The following INPP4B variants were observed in gnomAD, a reference collection of about 807,000 sequenced individuals.
INPP4B encodes the protein inositol polyphosphate 4-phosphatase type II.
INPP4B carries 55 observed loss-of-function variants against 122.5 expected under a neutral mutation model. The observed-to-expected ratio is 0.45, with a 90% CI of 0.36 to 0.56. INPP4B has a LOEUF of 0.56. Among genes scored for constraint, INPP4B ranks in the 20% least tolerant of loss-of-function variants. The pLI, the probability that INPP4B is intolerant of heterozygous loss-of-function variation, is 0.00. For missense variants in INPP4B, 1,000 were observed against 1,097.7 expected (o/e 0.91, Z 1.26); for synonymous variants, 403 against 388.7 (o/e 1.04, Z -0.43).
chr4:142,795,902 A>G (rs963825137), intron 1 of INPP4B, among the ~76,000 whole-genome samples: 1 of 151,962 alleles, frequency 6.6e-6, no homozygotes, highest in Non-Finnish European at 1.5e-5. Context: ...TAAAACTTCC[A>G]TAGTTGCTGT....
chr4:142,311,997 A>G (rs1304540977), intron 8 of INPP4B, among the ~76,000 whole-genome samples: 1 of 152,174 alleles, frequency 6.6e-6, no homozygotes, highest in Non-Finnish European at 1.5e-5. Context: ...ACATGAGAAA[A>G]ACAAACCCAT....
intron 1 of INPP4B, among the ~76,000 whole-genome samples, chr4:142,816,136 T>G (rs764765281): frequency 4.6e-5 from 7 of 152,112 alleles, no homozygotes; most frequent in Non-Finnish European, 1.0e-4. Context: ...CAGGCCCTCT[T>G]GGGGAAATAC....
chr4:142,155,566 C>A (rs1240554613), intron 17 of INPP4B, among the ~76,000 whole-genome samples: 1 of 152,048 alleles, frequency 6.6e-6, no homozygotes, highest in Non-Finnish European at 1.5e-5. Context: ...GCCTAGTGTT[C>A]CATTATTGGA....
intron 2 of INPP4B, among the ~76,000 whole-genome samples, chr4:142,695,684 T>A (rs1264360150): frequency 5.3e-5 from 8 of 152,218 alleles, no homozygotes; most frequent in Middle Eastern, 3.2e-3. Flanking sequence ...AGATACGATT[T>A]AATAAACTGT....
At chr4:142,247,924 A>C (rs1729744915) in intron 11 of INPP4B, among the ~76,000 whole-genome samples, 1 of 152,114 alleles carries the variant, frequency 6.6e-6, no homozygotes, top group Non-Finnish European at 1.5e-5. Context: ...CTGAAGTGTA[A>C]ATTCAGATAA....
chr4:142,513,074 C>G (rs960401928), intron 2 of INPP4B, among the ~76,000 whole-genome samples: 3 of 152,040 alleles, frequency 2.0e-5, no homozygotes, highest in African/African-American at 2.4e-5. Flanking sequence ...TGGTATGTGG[C>G]TGAAATTCAT....
intron 9 of INPP4B, among the ~76,000 whole-genome samples, chr4:142,304,870 C>G (rs1045824113): frequency 1.3e-5 from 2 of 152,104 alleles, no homozygotes; most frequent in Non-Finnish European, 2.9e-5. Flanking sequence ...ATTTAACGCT[C>G]TTAGTAATTA....
At chr4:142,408,293 G>A (rs1033391157) in intron 5 of INPP4B, among the ~76,000 whole-genome samples, 2 of 151,270 alleles carry the variant, frequency 1.3e-5, no homozygotes, top group Admixed American at 6.6e-5. Context: ...GGTGGCTTAT[G>A]CCTGGAATCC....
intron 25 of INPP4B, among the ~76,000 whole-genome samples, chr4:142,068,135 A>G (rs558783108): frequency 1.2e-4 from 18 of 152,318 alleles, no homozygotes; most frequent in African/African-American, 4.1e-4. Flanking sequence ...CGGATCTCTC[A>G]GCAGAAACTC....
intron 12 of INPP4B, among the ~76,000 whole-genome samples, chr4:142,235,783 AT>A (rs1856459511): frequency 6.6e-6 from 1 of 151,980 alleles, no homozygotes; most frequent in Non-Finnish European, 1.5e-5. Flanking sequence ...CATTTATCTT[AT>A]TTTTTATTGC....
At chr4:142,139,454 G>C (rs769809262) in intron 18 of INPP4B, among the ~76,000 whole-genome samples, 2 of 152,012 alleles carry the variant, frequency 1.3e-5, no homozygotes, top group South Asian at 4.1e-4. Flanking sequence ...CTACAGGCGC[G>C]TGCTACCATG....
intron 9 of INPP4B, among the ~76,000 whole-genome samples, chr4:142,296,868 C>A (rs1453155732): frequency 6.6e-6 from 1 of 152,192 alleles, no homozygotes; most frequent in Non-Finnish European, 1.5e-5. Flanking sequence ...TTCAGGAAAT[C>A]GTGTCCCTAA....
chr4:142,108,239 A>C, intron 22 of INPP4B, 49 bp from the exon 23 acceptor site: 1 of 902,598 alleles, frequency 1.1e-6, no homozygotes, highest in Non-Finnish European at 1.8e-6. Flanking sequence ...ACGGTACCAA[A>C]AAGTAACACA....
At position 142,165,240 on chromosome 4, in the gene INPP4B, A is replaced by G. The variant is rs940223172; in HGVS notation, c.1360-4679T>C. ...CAAGATTTTCCATTTGAGTAGTATC[A>G]TTAGTACTCAGAGTCCAAACCTCTG... On this transcript the variant is annotated intron_variant, in intron 16 of 25. Coordinates refer to ENST00000262992, the MANE Select transcript of INPP4B (RefSeq NM_001101669.3). Among the ~76,000 whole-genome samples, 5 of 1,820 alleles carry G rather than the reference A, an allele frequency of 2.7e-3. No individual in the cohort carries two copies. The Admixed American group carries it at 0.041, about 15-fold the overall frequency. The allele number at this position is 1,820 out of a possible 152,430, so 1.2% of individuals were successfully genotyped here. A position where few individuals can be genotyped will look rare whatever the true frequency, so the allele number is the denominator to read the frequency against.
At chr4:142,150,201 A>T (rs77390545) in intron 17 of INPP4B, among the ~76,000 whole-genome samples, 1 of 152,306 alleles carries the variant, frequency 6.6e-6, no homozygotes, top group East Asian at 1.9e-4. Context: ...TTTCTTCTCT[A>T]CTAAAATCAC....
intron 7 of INPP4B, among the ~76,000 whole-genome samples, chr4:142,396,737 T>C (rs1799495997): frequency 6.6e-6 from 1 of 152,080 alleles, no homozygotes. Context: ...AATGAACAAA[T>C]TGTGATATAT....
intron 2 of INPP4B, among the ~76,000 whole-genome samples, chr4:142,704,139 C>T (rs1348492604): frequency 1.3e-5 from 2 of 152,128 alleles, no homozygotes; most frequent in Admixed American, 6.5e-5. Flanking sequence ...CCGGAATGAA[C>T]AAACCACAGG....
intron 7 of INPP4B, among the ~76,000 whole-genome samples, chr4:142,395,005 G>C (rs1257024959): frequency 6.6e-6 from 1 of 152,170 alleles, no homozygotes; most frequent in Non-Finnish European, 1.5e-5. Flanking sequence ...CAAAAAGTCA[G>C]TCTTTCTCCA....
intron 25 of INPP4B, among the ~76,000 whole-genome samples, chr4:142,050,860 A>ACAGCCAGCCCTCTG (rs1754171715): frequency 6.6e-6 from 1 of 152,020 alleles, no homozygotes; most frequent in African/African-American, 2.4e-5. Context: ...CAAGTCTCTT[A>ACAGCCAGCCCTCTG]CAGCCAGCCC....
Sources: allele counts gnomAD v4.1 joint callset (sites outside exome capture counted in the v4.1 genomes callset), GRCh38; gene constraint gnomAD v4.1.1; transcripts MANE v1.5; gene names NCBI Gene and HGNC (gene_info 2026-07-23, HGNC 2026-07-21).